Variants in NCKAP5 observed in about 807,000 individuals in gnomAD.
The protein encoded by NCKAP5 is nck-associated protein 5.
A neutral mutation model predicts 167.0 loss-of-function variants in NCKAP5; 92 were observed. The ratio of observed to expected loss-of-function variants is 0.55; its 90% CI spans 0.47 to 0.66. The LOEUF is 0.66. NCKAP5 is among the 30% of genes least tolerant of loss of function. NCKAP5 has a pLI of 0.00. For synonymous variants in NCKAP5, 891 were observed against 877.4 expected (o/e 1.02, Z -0.27); for missense variants, 2,378 against 2,315.0 (o/e 1.03, Z -0.56).
chr2:133,207,053 T>G (rs1175017913), intron 5 of NCKAP5, among the ~76,000 whole-genome samples: 1 of 152,162 alleles, frequency 6.6e-6, no homozygotes, highest in Non-Finnish European at 1.5e-5. Flanking sequence ...CGCTCATCAG[T>G]AATTCTAATT....
At chr2:133,193,233 C>A (rs754369466) in intron 5 of NCKAP5, among the ~76,000 whole-genome samples, 1 of 151,864 alleles carries the variant, frequency 6.6e-6, no homozygotes, top group Non-Finnish European at 1.5e-5. Flanking sequence ...TTAATGGGTG[C>A]CAGAGTTATA....
intron 6 of NCKAP5, among the ~76,000 whole-genome samples, chr2:133,043,053 C>T (rs1309498554): frequency 1.3e-5 from 2 of 152,268 alleles, no homozygotes; most frequent in East Asian, 3.9e-4. Flanking sequence ...GACCTGCCTT[C>T]CAGTGGGTGG....
At chr2:133,348,089 T>C (rs977112519) in intron 3 of NCKAP5, among the ~76,000 whole-genome samples, 1 of 152,090 alleles carries the variant, frequency 6.6e-6, no homozygotes, top group Non-Finnish European at 1.5e-5. Context: ...ATTCTACCTA[T>C]GAGGATCCCT....
At chr2:133,417,092 A>G (rs959296695) in intron 3 of NCKAP5, among the ~76,000 whole-genome samples, 7 of 151,672 alleles carry the variant, frequency 4.6e-5, no homozygotes, top group Admixed American at 4.6e-4. Flanking sequence ...AATAATGAAA[A>G]TATCTTTCTT....
At chr2:132,976,648 A>T (rs2076986299) in intron 7 of NCKAP5, among the ~76,000 whole-genome samples, 1 of 151,858 alleles carries the variant, frequency 6.6e-6, no homozygotes, top group African/African-American at 2.4e-5. Context: ...ATAGATTTTA[A>T]GTGTTCTCAC....
intron 6 of NCKAP5, among the ~76,000 whole-genome samples, chr2:133,068,335 G>T (rs1435068106): frequency 6.6e-6 from 1 of 152,202 alleles, no homozygotes; most frequent in Non-Finnish European, 1.5e-5. Context: ...TCTCAGAAAT[G>T]GCCATGTGAA....
intron 6 of NCKAP5, among the ~76,000 whole-genome samples, chr2:133,060,613 C>T (rs1362769964): frequency 6.6e-6 from 1 of 152,112 alleles, no homozygotes; most frequent in Non-Finnish European, 1.5e-5. Context: ...TATTTAAATG[C>T]CATCAAGAAT....
Position 132,790,154 on chromosome 2 carries a change from C to T in NCKAP5, c.961G>A (p.Val321Ile), listed in dbSNP as rs779758865. Residue 321 changes from valine (V) to isoleucine (I), a missense_variant, in exon 13 of 20, where the codon GTC becomes ATC. Transcript: ENST00000409261. ...CGAGGACAGAGATGACCAGGGATGA[C>T]AGCCCCCAAGCCAGGGCATTTCAAG... ...SALKCPGLGA[V>I]IPGHLCPRNS... 1 of 1,613,660 alleles carries T rather than the reference C, an allele frequency of 6.2e-7. No homozygotes were observed. The highest frequency in any genetic ancestry group is 1.7e-5 in the Admixed American group (1 of 59,968).
chr2:133,093,089 A>T (rs1051464280), intron 6 of NCKAP5, among the ~76,000 whole-genome samples: 1 of 152,226 alleles, frequency 6.6e-6, no homozygotes, highest in Admixed American at 6.5e-5. Context: ...TGAAGATTAA[A>T]TTACATGCTG....
chr2:133,409,820 T>G (rs534130465), intron 3 of NCKAP5, among the ~76,000 whole-genome samples: 4 of 152,320 alleles, frequency 2.6e-5, no homozygotes, highest in African/African-American at 4.8e-5. Context: ...ACAAATGCAT[T>G]TACTCAGACT....
chr2:132,975,912 C>G (rs1004838753), intron 7 of NCKAP5, among the ~76,000 whole-genome samples: 28 of 152,096 alleles, frequency 1.8e-4, no homozygotes, highest in African/African-American at 6.8e-4. Context: ...AAGGGCCATC[C>G]CAGAAGGAAC....
chr2:133,232,207 G>T (rs939905587), intron 4 of NCKAP5, among the ~76,000 whole-genome samples: 1 of 152,132 alleles, frequency 6.6e-6, no homozygotes, highest in Non-Finnish European at 1.5e-5. Flanking sequence ...CAGTGAGTCT[G>T]TAGTTTCAGC....
At chr2:133,576,104 C>T in the NCKAP5 span, among the ~76,000 whole-genome samples, 4 of 152,164 alleles carry the variant, frequency 2.6e-5, no homozygotes, top group Non-Finnish European at 4.4e-5. Context: ...GTAGATTTGA[C>T]GCAACTTGGG....
At chr2:132,796,508 T>A in intron 12 of NCKAP5, 120 bp downstream of exon 12, 2 of 578,578 alleles carry the variant, frequency 3.5e-6, no homozygotes, top group Non-Finnish European at 6.2e-6. Context: ...GAAAGGAAGG[T>A]ATTTTTATCT....
At chr2:132,749,392 C>T (rs1470154804) in intron 16 of NCKAP5, among the ~76,000 whole-genome samples, 3 of 151,942 alleles carry the variant, frequency 2.0e-5, no homozygotes, top group African/African-American at 7.3e-5. Flanking sequence ...TTTGTAGAGA[C>T]AGGATTTTGT....
intron 4 of NCKAP5, among the ~76,000 whole-genome samples, chr2:133,240,060 C>T (rs903768896): frequency 6.6e-6 from 1 of 152,110 alleles, no homozygotes; most frequent in Non-Finnish European, 1.5e-5. Flanking sequence ...GGAGACCTCA[C>T]CATCACAATT....
chr2:133,615,356 A>T, the NCKAP5 span, among the ~76,000 whole-genome samples: 1 of 151,804 alleles, frequency 6.6e-6, no homozygotes, highest in Non-Finnish European at 1.5e-5. Context: ...CAGACGGGCA[A>T]ATTGGATAAA....
At chr2:132,691,207 A>T (rs559559278) in intron 19 of NCKAP5, among the ~76,000 whole-genome samples, 1 of 152,240 alleles carries the variant, frequency 6.6e-6, no homozygotes, top group South Asian at 2.1e-4. Flanking sequence ...AGATGACCAC[A>T]TTAGTTTCCC....
chr2:133,526,234 AAGGAGGG>A (rs1684891250), intron 2 of NCKAP5, among the ~76,000 whole-genome samples: 1 of 96,868 alleles, frequency 1.0e-5, no homozygotes, highest in East Asian at 3.8e-4. Context: ...GAAGAAAGGA[AAGGAGGG>A]AGGGAAGGAG....
Sources: allele counts gnomAD v4.1 joint callset (sites outside exome capture counted in the v4.1 genomes callset), GRCh38; gene constraint gnomAD v4.1.1; transcripts MANE v1.5; gene names NCBI Gene and HGNC (gene_info 2026-07-23, HGNC 2026-07-21).